Variants in XKR9 observed in about 807,000 individuals in gnomAD.
The protein encoded by XKR9 is XK related 9.
Under a neutral mutation model 32.0 loss-of-function variants are expected in XKR9, and 32 were observed. That is an observed-to-expected ratio of 1.00 (90% CI 0.76 to 1.34). The LOEUF is 1.34. XKR9 is among the 40% of genes most tolerant of loss of function. The probability of loss-of-function intolerance (pLI) is 0.00; values close to 1 mark genes in which losing one functional copy is unlikely to be tolerated. For synonymous variants in XKR9, 168 were observed against 143.4 expected, an observed-to-expected ratio of 1.17 and a Z score of -1.22; for missense variants, 546 against 429.7, an observed-to-expected ratio of 1.27 and a Z score of -2.39.
intron 4 of XKR9, among the ~76,000 whole-genome samples, chr8:70,716,471 G>A (rs1022037325): frequency 2.0e-5 from 3 of 152,090 alleles, no homozygotes; most frequent in African/African-American, 7.2e-5. Flanking sequence ...GGCAGAAGGG[G>A]AAGCAAACAC....
the XKR9 span, among the ~76,000 whole-genome samples, chr8:70,945,799 C>A: frequency 6.6e-6 from 1 of 152,164 alleles, no homozygotes; most frequent in Non-Finnish European, 1.5e-5. Context: ...CTTTTGGAGG[C>A]TGCAGCCAGC....
chr8:70,988,198 C>T, the XKR9 span, among the ~76,000 whole-genome samples: 1 of 152,130 alleles, frequency 6.6e-6, no homozygotes, highest in East Asian at 1.9e-4. Context: ...GAGTACAATT[C>T]AAGGTGAGAC....
At chr8:70,858,947 A>G in the XKR9 span, among the ~76,000 whole-genome samples, 1 of 152,134 alleles carries the variant, frequency 6.6e-6, no homozygotes, top group Non-Finnish European at 1.5e-5. Flanking sequence ...TTGTCTGGGC[A>G]AAGATTTTTT....
chr8:71,033,082 C>CA, the XKR9 span, among the ~76,000 whole-genome samples: 15,758 of 115,106 alleles, frequency 0.14, 975 homozygotes, highest in Middle Eastern at 0.24. Flanking sequence ...GATTACATCT[C>CA]AAAAAAAAAA....
chr8:70,702,208 T>G (rs1805562465), intron 3 of XKR9, among the ~76,000 whole-genome samples: 1 of 152,128 alleles, frequency 6.6e-6, no homozygotes, highest in Admixed American at 6.5e-5. Flanking sequence ...TAGGATAAAT[T>G]TTACCTCAGT....
chr8:70,845,936 A>G, the XKR9 span, among the ~76,000 whole-genome samples: 1 of 152,152 alleles, frequency 6.6e-6, no homozygotes, highest in African/African-American at 2.4e-5. Flanking sequence ...TAGACATACA[A>G]TTATAAGAAG....
the XKR9 span, among the ~76,000 whole-genome samples, chr8:70,850,974 A>T: frequency 4.6e-5 from 7 of 152,200 alleles, no homozygotes; most frequent in Non-Finnish European, 7.4e-5. Flanking sequence ...TTCAAATAGG[A>T]AGAGAGGAAG....
chr8:70,860,409 C>T, the XKR9 span, among the ~76,000 whole-genome samples: 1 of 152,116 alleles, frequency 6.6e-6, no homozygotes, highest in Non-Finnish European at 1.5e-5. Flanking sequence ...TGATGGCACC[C>T]TTATCTCAGA....
chr8:70,776,947 C>CTCTATATATATATATATA, intron 2 of XKR9, among the ~76,000 whole-genome samples: 20 of 54,208 alleles, frequency 3.7e-4, no homozygotes, highest in African/African-American at 7.1e-4. Flanking sequence ...CTCTCTCTCT[C>CTCTATATATATATATATA]TATATATATA....
chr8:71,031,014 C>T, the XKR9 span, among the ~76,000 whole-genome samples: 3 of 151,956 alleles, frequency 2.0e-5, no homozygotes, highest in Non-Finnish European at 2.9e-5. Context: ...ATAAATTCTC[C>T]TCCTCCTTCT....
chr8:70,724,430 GAAAAAA>G (rs35676207), intron 4 of XKR9, among the ~76,000 whole-genome samples: 1 of 143,030 alleles, frequency 7.0e-6, no homozygotes, highest in African/African-American at 2.6e-5. Context: ...ACTGGGGTAG[GAAAAAA>G]AAAAAAAAAA....
intron 3 of XKR9, among the ~76,000 whole-genome samples, chr8:70,702,069 C>A (rs1202502203): frequency 6.6e-6 from 1 of 152,046 alleles, no homozygotes; most frequent in African/African-American, 2.4e-5. Context: ...TTCTTAGGCC[C>A]TTGTATGGAG....
the XKR9 span, among the ~76,000 whole-genome samples, chr8:70,929,546 C>T: frequency 3.3e-5 from 5 of 152,036 alleles, no homozygotes; most frequent in Non-Finnish European, 7.4e-5. Flanking sequence ...TATCTGGAGA[C>T]TCTGGGAAAG....
the XKR9 span, among the ~76,000 whole-genome samples, chr8:70,956,596 C>T: frequency 6.6e-6 from 1 of 152,110 alleles, no homozygotes. Context: ...TCCATGGTGC[C>T]CAGGTTGTCC....
the XKR9 span, among the ~76,000 whole-genome samples, chr8:71,017,680 A>G: frequency 6.6e-6 from 1 of 152,244 alleles, no homozygotes; most frequent in Non-Finnish European, 1.5e-5. Flanking sequence ...ATCCTTTGGA[A>G]TTCAGGGTAA....
At chr8:70,986,185 A>G in the XKR9 span, among the ~76,000 whole-genome samples, 1 of 152,232 alleles carries the variant, frequency 6.6e-6, no homozygotes, top group East Asian at 1.9e-4. Flanking sequence ...AAAATGAAAT[A>G]CAGATTCTGT....
chr8:70,785,919 G>A (rs1807682198), intron 2 of XKR9, among the ~76,000 whole-genome samples: 1 of 151,720 alleles, frequency 6.6e-6, no homozygotes, highest in Admixed American at 6.6e-5. Flanking sequence ...GAACTACTGG[G>A]CTCAAGGAGT....
At chr8:71,057,310 C>A in the XKR9 span, among the ~76,000 whole-genome samples, 1 of 152,178 alleles carries the variant, frequency 6.6e-6, no homozygotes, top group East Asian at 1.9e-4. Flanking sequence ...GAACTGTCAT[C>A]TGTGCATCCA....
the XKR9 span, among the ~76,000 whole-genome samples, chr8:70,906,219 C>G: frequency 6.6e-6 from 1 of 152,136 alleles, no homozygotes; most frequent in Non-Finnish European, 1.5e-5. Flanking sequence ...TTTGCCCTGC[C>G]CCTAGAGGTG....
Sources: allele counts gnomAD v4.1 joint callset (sites outside exome capture counted in the v4.1 genomes callset), GRCh38; gene constraint gnomAD v4.1.1; transcripts MANE v1.5; gene names NCBI Gene and HGNC (gene_info 2026-07-23, HGNC 2026-07-21).